Variants in ADGRL2 observed in about 807,000 individuals in gnomAD.
ADGRL2 encodes the protein calcium-independent alpha-latrotoxin receptor 2.
A neutral mutation model predicts 157.4 loss-of-function variants in ADGRL2; 44 were observed. The ratio of observed to expected loss-of-function variants is 0.28; its 90% CI spans 0.22 to 0.36. The LOEUF (loss-of-function observed/expected upper bound fraction) is 0.36, where lower values mean the gene tolerates loss of function less well. Ranked by LOEUF, ADGRL2 falls within the 10% of genes least tolerant of loss-of-function variation. ADGRL2 has a pLI of 1.00. For synonymous variants in ADGRL2, 585 were observed against 624.7 expected (o/e 0.94, Z 0.95); for missense variants, 1,510 against 1,768.9 (o/e 0.85, Z 2.63).
intron 2 of ADGRL2, chr1:81,557,560 G>A (rs963498473): frequency 6.6e-6 from 1 of 152,238 alleles, no homozygotes; most frequent in Non-Finnish European, 1.5e-5. Flanking sequence ...AAGAAAGAAA[G>A]AGCATTCTGT....
chr1:81,968,250 A>C, intron 14 of ADGRL2, 51 bp downstream of exon 14: 1 of 1,483,038 alleles, frequency 6.7e-7, no homozygotes, highest in East Asian at 2.3e-5. Context: ...CAGAGATTCA[A>C]AACAGCTTGT....
In ADGRL2 at chr1:81,634,760, G is replaced by T. The variant is rs907007884; in HGVS notation, c.-143+53780G>T. Among the ~76,000 whole-genome samples the T allele has an allele frequency of 2.6e-5, 4 of 151,980 alleles. No homozygotes were observed. The South Asian group carries it at 8.3e-4, about 31-fold the overall frequency. ...TGGCCTCCAACTTCTTACCTCAGGT[G>T]ATCCACCCACCTCGGCCTCCCAAAG... On this transcript the variant is annotated intron_variant, in intron 3 of 24. Transcript: ENST00000370721.
chr1:81,441,732 G>T (rs975523479), intron 1 of ADGRL2, among the ~76,000 whole-genome samples: 8 of 152,138 alleles, frequency 5.3e-5, no homozygotes, highest in African/African-American at 1.7e-4. Flanking sequence ...TAGAGACGGG[G>T]TTTCACTATG....
intron 3 of ADGRL2, among the ~76,000 whole-genome samples, chr1:81,598,243 A>G (rs1488465653): frequency 6.6e-6 from 1 of 152,192 alleles, no homozygotes; most frequent in Non-Finnish European, 1.5e-5. Context: ...TTATCCAACC[A>G]GAGTTACACA....
chr1:81,494,497 G>T (rs1040734074), intron 2 of ADGRL2, among the ~76,000 whole-genome samples: 3 of 152,072 alleles, frequency 2.0e-5, no homozygotes, highest in African/African-American at 7.2e-5. Context: ...TACTGATGAA[G>T]AAAATCTTAA....
At chr1:81,597,397 A>G (rs967706935) in intron 3 of ADGRL2, among the ~76,000 whole-genome samples, 1 of 152,194 alleles carries the variant, frequency 6.6e-6, no homozygotes, top group Admixed American at 6.5e-5. Context: ...AAAGAAAAAA[A>G]TTATATTTGC....
chr1:81,858,619 A>G (rs1172926160), intron 2 of ADGRL2, among the ~76,000 whole-genome samples: 1 of 152,190 alleles, frequency 6.6e-6, no homozygotes, highest in Admixed American at 6.6e-5. Context: ...CACCGACTGC[A>G]CAGGGTCAGT....
intron 1 of ADGRL2, among the ~76,000 whole-genome samples, chr1:81,361,106 G>GA (rs2075970647): frequency 6.6e-6 from 1 of 151,744 alleles, no homozygotes; most frequent in African/African-American, 2.4e-5. Flanking sequence ...AAAAGAAGCA[G>GA]AAAAAAGAAA....
intron 1 of ADGRL2, among the ~76,000 whole-genome samples, chr1:81,322,497 A>G (rs1161857169): frequency 6.6e-6 from 1 of 152,174 alleles, no homozygotes; most frequent in East Asian, 1.9e-4. Context: ...AAAAAGATTT[A>G]TGGTCTTCAA....
chr1:81,467,081 A>T (rs1417035816), intron 2 of ADGRL2, among the ~76,000 whole-genome samples: 3 of 152,024 alleles, frequency 2.0e-5, no homozygotes, highest in Non-Finnish European at 2.9e-5. Context: ...ACTGGAAGAA[A>T]GTTGGTGTCC....
Position 81,968,010 on chromosome 1 carries a change from T to G in ADGRL2, c.2350-16T>G, listed in dbSNP as rs762849730. 1 of 1,607,344 alleles carries G rather than the reference T, an allele frequency of 6.2e-7. No individual in the cohort carries two copies. The highest frequency in any genetic ancestry group is 8.5e-7 in the Non-Finnish European group (1 of 1,174,206). On this transcript the variant is annotated splice_polypyrimidine_tract_variant and intron_variant, in intron 13 of 23. Transcript: ENST00000686636. The stretch of plus-strand genomic sequence containing the variant: ...AATATAAAATCCTAATTTTATCTTG[T>G]CATTTTATTTCCCAGCCTGACAATT...
rs572704294 is a variant in ADGRL2 at position 81,420,649 on chromosome 1, C to T, written c.-301-24387C>T. 3.9e-5 allele frequency among the ~76,000 whole-genome samples: 6 copies of T among 152,242 alleles called. No individual in the cohort carries two copies. In the East Asian group the frequency reaches 1.2e-3, roughly 29 times the overall value. On this transcript the variant is annotated intron_variant, in intron 1 of 24. Coordinates refer to the ADGRL2 transcript ENST00000370721. ...TTTTGTTTTGAAAATCTTTATCTGG[C>T]ATAATTATACATTCTGCCCAGTACT...
chr1:81,848,548 T>G (rs2092883515), intron 2 of ADGRL2, among the ~76,000 whole-genome samples: 3 of 152,042 alleles, frequency 2.0e-5, no homozygotes, highest in Middle Eastern at 3.4e-3. Flanking sequence ...AAAGTATACT[T>G]TATATTGCTT....
At chr1:81,905,789 G>A (rs894207977) in intron 2 of ADGRL2, among the ~76,000 whole-genome samples, 9 of 152,056 alleles carry the variant, frequency 5.9e-5, no homozygotes, top group African/African-American at 1.4e-4. Flanking sequence ...ATTTGATGTC[G>A]TTTGTTTGAA....
At chr1:81,904,647 T>C (rs2094551151) in intron 2 of ADGRL2, among the ~76,000 whole-genome samples, 1 of 152,132 alleles carries the variant, frequency 6.6e-6, no homozygotes, top group Non-Finnish European at 1.5e-5. Context: ...CAGTGGCTCA[T>C]GCCTGTAACC....
At chr1:81,496,896 AT>A (rs545343917) in intron 2 of ADGRL2, among the ~76,000 whole-genome samples, 1 of 151,700 alleles carries the variant, frequency 6.6e-6, no homozygotes, top group Admixed American at 6.6e-5. Context: ...AAAACAATAT[AT>A]TTTTTTTCCT....
intron 2 of ADGRL2, among the ~76,000 whole-genome samples, chr1:81,876,810 T>C (rs962175841): frequency 6.6e-6 from 1 of 152,206 alleles, no homozygotes; most frequent in Non-Finnish European, 1.5e-5. Flanking sequence ...TGACATTTAT[T>C]GTTATTCCCT....
chr1:81,585,297 A>C (rs923959821), intron 3 of ADGRL2, among the ~76,000 whole-genome samples: 5 of 152,018 alleles, frequency 3.3e-5, no homozygotes, highest in African/African-American at 1.2e-4. Flanking sequence ...TAGTATGGAC[A>C]CTCCCAAATA....
chr1:81,374,063 C>G (rs2076204807), intron 1 of ADGRL2, among the ~76,000 whole-genome samples: 1 of 134,444 alleles, frequency 7.4e-6, no homozygotes, highest in Non-Finnish European at 1.7e-5. Flanking sequence ...TTGTGGCCAC[C>G]TTTAAATACA....
Sources: gnomAD v4.1 joint callset for allele counts (sites outside exome capture counted in the v4.1 genomes callset) on GRCh38, gnomAD v4.1.1 for gene constraint, MANE v1.5 for transcripts, NCBI Gene and HGNC (gene_info 2026-07-23, HGNC 2026-07-21) for gene names.